The following PCDHA4 variants were observed in gnomAD, a reference collection of about 807,000 sequenced individuals.
PCDHA4 encodes protocadherin alpha 4.
In PCDHA4, 49 loss-of-function variants were observed where a neutral mutation model predicts 61.4. The ratio of observed to expected loss-of-function variants is 0.80; its 90% CI spans 0.63 to 1.01. PCDHA4 has a LOEUF of 1.01. Among genes scored for constraint, PCDHA4 ranks in the 50% least tolerant of loss-of-function variants. The pLI is 0.00. For synonymous variants in PCDHA4, 590 were observed against 550.3 expected, an observed-to-expected ratio of 1.07 and a Z score of -1.01; for missense variants, 1,254 against 1,235.8, an observed-to-expected ratio of 1.01 and a Z score of -0.22.
At chr5:140,985,096 C>G (rs1486346952) in intron 3 of PCDHA4, among the ~76,000 whole-genome samples, 1 of 152,096 alleles carries the variant, frequency 6.6e-6, no homozygotes, top group Non-Finnish European at 1.5e-5. Context: ...TGCCACCAAG[C>G]CTGGCTAATT....
At position 140,877,303 on chromosome 5, in the gene PCDHA4, T is replaced by C. The variant is rs566187421; in HGVS notation, c.2385+67731T>C. 3.5e-4 allele frequency: 564 copies of C among 1,613,850 alleles called. 6 individuals are homozygous for C. In the South Asian group the frequency reaches 5.9e-3, roughly 17 times the overall value. On this transcript the variant is annotated intron_variant, in intron 1 of 3. Transcript: ENST00000530339. ...CTATAACGCTTGGCTGTCCTACGAGTTGCAACCGGCGGCGGTCGGCGCGCA... is the reference window on the plus strand; with the variant it reads ...CTATAACGCTTGGCTGTCCTACGAGCTGCAACCGGCGGCGGTCGGCGCGCA...
At chr5:141,002,097 G>A (rs782083569) in intron 3 of PCDHA4, among the ~76,000 whole-genome samples, 3 of 152,230 alleles carry the variant, frequency 2.0e-5, no homozygotes, top group Non-Finnish European at 4.4e-5. Flanking sequence ...TCCAGGGGCT[G>A]GGCCGGAAAC....
chr5:140,861,473 T>C (rs2046940252), intron 1 of PCDHA4: 2 of 491,456 alleles, frequency 4.1e-6, no homozygotes. Context: ...ATCTGCAGAA[T>C]GGCATTTTTG....
At chr5:140,880,198 G>C (rs1360437780) in intron 1 of PCDHA4, among the ~76,000 whole-genome samples, 1 of 152,164 alleles carries the variant, frequency 6.6e-6, no homozygotes, top group Non-Finnish European at 1.5e-5. Flanking sequence ...ATAAACAGAA[G>C]AGGTTTTCCA....
intron 1 of PCDHA4, chr5:140,810,296 A>T (rs782463375): frequency 2.0e-5 from 3 of 152,214 alleles, no homozygotes; most frequent in Non-Finnish European, 4.4e-5. Context: ...TCATAAATAT[A>T]TTGTACATTT....
chr5:140,864,059 T>C (rs1371478916), intron 1 of PCDHA4: 1 of 152,732 alleles, frequency 6.5e-6, no homozygotes, highest in Non-Finnish European at 1.5e-5. Flanking sequence ...ACAGTCACCA[T>C]GAACATTCTT....
intron 3 of PCDHA4, among the ~76,000 whole-genome samples, chr5:140,990,426 G>A (rs3756324): frequency 0.3 from 46,292 of 152,022 alleles, 7,253 homozygotes; most frequent in East Asian, 0.43. Flanking sequence ...AACCAGCATT[G>A]ACCCAATCTT....
At chr5:140,875,262 C>T (rs2055382922) in intron 1 of PCDHA4, 1 of 1,157,372 alleles carries the variant, frequency 8.6e-7, no homozygotes, top group Admixed American at 3.0e-5. Flanking sequence ...CATGATGTCG[C>T]TCTACACTCA....
intron 1 of PCDHA4, among the ~76,000 whole-genome samples, chr5:140,879,121 G>C (rs148259888): frequency 6.6e-6 from 1 of 152,330 alleles, no homozygotes; most frequent in Non-Finnish European, 1.5e-5. Context: ...TGAAGGATTA[G>C]AGCAGGGGAG....
At chr5:140,866,727 T>C (rs1254232410) in intron 1 of PCDHA4, 1 of 152,170 alleles carries the variant, frequency 6.6e-6, no homozygotes, top group East Asian at 1.9e-4. Context: ...CATTAAACTA[T>C]GCACTCTAAT....
chr5:140,829,832 G>T, intron 1 of PCDHA4: 1 of 1,613,932 alleles, frequency 6.2e-7, no homozygotes, highest in Non-Finnish European at 8.5e-7. Context: ...GAGCGAGCTG[G>T]TGCCGCGGTC....
chr5:140,809,628 C>T, intron 1 of PCDHA4, 56 bp downstream of exon 1: 2 of 1,506,716 alleles, frequency 1.3e-6, no homozygotes, highest in Non-Finnish European at 1.8e-6. Flanking sequence ...CTATCAACTT[C>T]TTCGTAAATT....
At chr5:140,849,988 G>C in intron 1 of PCDHA4, 2 of 1,597,364 alleles carry the variant, frequency 1.3e-6, no homozygotes, top group South Asian at 1.1e-5. Context: ...GTGGAGCGGC[G>C]GTTGGGCGAG....
At chr5:140,870,295 T>G (rs1037957284) in intron 1 of PCDHA4, 1 of 1,614,054 alleles carries the variant, frequency 6.2e-7, no homozygotes, top group Non-Finnish European at 8.5e-7. Context: ...CAAGCTGGTG[T>G]CCACCTTCAA....
chr5:140,979,241 G>A (rs766062040), intron 2 of PCDHA4, among the ~76,000 whole-genome samples: 4 of 152,150 alleles, frequency 2.6e-5, no homozygotes, highest in Non-Finnish European at 5.9e-5. Context: ...CACAGAAACA[G>A]GCTGCTATGT....
At chr5:140,816,594 T>C (rs1765954434) in intron 1 of PCDHA4, 1 of 152,074 alleles carries the variant, frequency 6.6e-6, no homozygotes, top group South Asian at 2.1e-4. Flanking sequence ...TTACTTTGTG[T>C]TGATATCTAT....
In PCDHA4 at chr5:140,981,654, ATTTCTTCCTTCC is replaced by A. The variant is rs563193906; in HGVS notation, c.2445-807_2445-796del. Among the ~76,000 whole-genome samples the A allele has an allele frequency of 1.4e-4, 22 of 152,142 alleles. No individual in the cohort carries two copies. In the East Asian group the frequency reaches 3.9e-3, roughly 27 times the overall value. On this transcript the variant is annotated intron_variant, in intron 2 of 3. Coordinates refer to ENST00000530339, the MANE Select transcript of PCDHA4 (RefSeq NM_018907.4). ...GACATTTTCTCTTAGGATCCCACTTATTTCTTCCTTCCTTTCTTCCTTCCTCCCTTCCATCAT... is the reference window on the plus strand; with the variant it reads ...GACATTTTCTCTTAGGATCCCACTTATTTCTTCCTTCCTCCCTTCCATCAT...
chr5:140,829,393 G>A, intron 1 of PCDHA4: 1 of 1,614,050 alleles, frequency 6.2e-7, no homozygotes, highest in African/African-American at 1.3e-5. Flanking sequence ...GCTCGCCTTC[G>A]CTGTGGGCCA....
intron 1 of PCDHA4, among the ~76,000 whole-genome samples, chr5:140,839,798 G>C (rs1186676408): frequency 6.6e-6 from 1 of 151,960 alleles, no homozygotes; most frequent in Non-Finnish European, 1.5e-5. Context: ...ATTTGGAGGA[G>C]CTCTTAATTG....
Sources: gnomAD v4.1 joint callset for allele counts (sites outside exome capture counted in the v4.1 genomes callset) on GRCh38, gnomAD v4.1.1 for gene constraint, MANE v1.5 for transcripts, NCBI Gene and HGNC (gene_info 2026-07-23, HGNC 2026-07-21) for gene names.